Variants in ITGB3BP observed in about 807,000 individuals in gnomAD.
ITGB3BP encodes the protein centromere protein R.
Under a neutral mutation model 29.1 loss-of-function variants are expected in ITGB3BP, and 27 were observed. The observed-to-expected ratio is 0.93, with a 90% CI of 0.68 to 1.28. ITGB3BP has a LOEUF of 1.28. Among genes scored for constraint, ITGB3BP ranks in the 50% most tolerant of loss-of-function variants. ITGB3BP has a pLI of 0.00. For synonymous variants in ITGB3BP, 61 were observed against 61.4 expected (o/e 0.99, Z 0.03); for missense variants, 192 against 200.2 (o/e 0.96, Z 0.25).
At chr1:63,473,316 C>T (rs1428116515) in intron 4 of ITGB3BP, among the ~76,000 whole-genome samples, 8 of 151,624 alleles carry the variant, frequency 5.3e-5, no homozygotes, top group East Asian at 2.0e-4. Flanking sequence ...CGTCTCCGCC[C>T]GGCAGCCACC....
At chr1:63,493,445 CAAACAAACA>C (rs747920694) in intron 2 of ITGB3BP, among the ~76,000 whole-genome samples, 33 of 151,840 alleles carry the variant, frequency 2.2e-4, no homozygotes, top group Non-Finnish European at 4.0e-4. Context: ...AACAAACAAA[CAAACAAACA>C]AACCTGCTTG....
At chr1:63,479,225 TAACAACAAGGG>T (rs1645395293) in intron 3 of ITGB3BP, among the ~76,000 whole-genome samples, 1 of 152,150 alleles carries the variant, frequency 6.6e-6, no homozygotes, top group South Asian at 2.1e-4. Context: ...TTTCTCAAGT[TAACAACAAGGG>T]ATTGGTGATA....
intron 4 of ITGB3BP, among the ~76,000 whole-genome samples, chr1:63,477,539 C>T (rs572164045): frequency 6.6e-6 from 1 of 151,984 alleles, no homozygotes; most frequent in Non-Finnish European, 1.5e-5. Flanking sequence ...GGTAACATGG[C>T]GAAACTCCGT....
chr1:63,451,322 A>G (rs987232634), intron 7 of ITGB3BP, among the ~76,000 whole-genome samples: 1 of 151,944 alleles, frequency 6.6e-6, no homozygotes, highest in African/African-American at 2.4e-5. Flanking sequence ...TCCTATACAT[A>G]TTATAGGGAT....
chr1:63,505,207 C>T (rs1184265379), intron 2 of ITGB3BP, among the ~76,000 whole-genome samples: 18 of 152,102 alleles, frequency 1.2e-4, no homozygotes, highest in African/African-American at 3.4e-4. Flanking sequence ...TTGGTCTATT[C>T]GGAGGTTCAA....
intron 1 of ITGB3BP, among the ~76,000 whole-genome samples, chr1:63,509,345 A>C (rs1044430099): frequency 6.6e-6 from 1 of 152,220 alleles, no homozygotes; most frequent in Non-Finnish European, 1.5e-5. Context: ...AAGGAGAAAA[A>C]GGTCAATATA....
At chr1:63,514,227 T>C (rs77026462) in intron 1 of ITGB3BP, among the ~76,000 whole-genome samples, 1,894 of 152,342 alleles carry the variant, frequency 0.012, 30 homozygotes, top group African/African-American at 0.043. Context: ...TTTTAATTAA[T>C]ATTCTATCTT....
intron 4 of ITGB3BP, among the ~76,000 whole-genome samples, chr1:63,474,866 G>C (rs1307127255): frequency 6.7e-6 from 1 of 149,376 alleles, no homozygotes; most frequent in African/African-American, 2.5e-5. Context: ...CCCCCTCTGG[G>C]AGAAACACCC....
At chr1:63,488,704 G>T (rs1252017543) in intron 3 of ITGB3BP, among the ~76,000 whole-genome samples, 5 of 151,920 alleles carry the variant, frequency 3.3e-5, no homozygotes, top group Admixed American at 1.3e-4. Flanking sequence ...CTATATGTGA[G>T]ATATATATAT....
At position 63,456,003 on chromosome 1, in the gene ITGB3BP, C is replaced by T. The variant is rs532341990; in HGVS notation, c.255-1035G>A. 2.6e-5 allele frequency among the ~76,000 whole-genome samples: 4 copies of T among 152,174 alleles called. No homozygotes were observed. The South Asian group carries it at 8.3e-4, about 32-fold the overall frequency. On this transcript the variant is annotated intron_variant, in intron 4 of 8. Coordinates refer to ENST00000271002, the MANE Select transcript of ITGB3BP (RefSeq NM_014288.5). ...CCAGGTATACTTTACATATTAACAG[C>T]ACATCTCATTTCATACTAGCCACAT... is the stretch of plus-strand genomic sequence containing the variant.
intron 2 of ITGB3BP, among the ~76,000 whole-genome samples, chr1:63,503,286 T>C (rs1314124203): frequency 6.6e-6 from 1 of 152,230 alleles, no homozygotes; most frequent in African/African-American, 2.4e-5. Flanking sequence ...CATTTTTTCA[T>C]GTGTCTTTTG....
chr1:63,493,561 C>G (rs1293578953), intron 2 of ITGB3BP, among the ~76,000 whole-genome samples: 1 of 152,092 alleles, frequency 6.6e-6, no homozygotes, highest in African/African-American at 2.4e-5. Context: ...CCAAATGCTA[C>G]TGTACTTTTT....
chr1:63,510,173 G>T, intron 1 of ITGB3BP: 1 of 518,604 alleles, frequency 1.9e-6, no homozygotes, highest in South Asian at 2.7e-5. Flanking sequence ...CTGGGCAACG[G>T]GAGCAAAACT....
At chr1:63,468,200 T>A (rs1645132861) in intron 4 of ITGB3BP, among the ~76,000 whole-genome samples, 1 of 152,234 alleles carries the variant, frequency 6.6e-6, no homozygotes, top group Admixed American at 6.5e-5. Flanking sequence ...CTTCCAATTT[T>A]ATAAATTCTG....
chr1:63,521,133 T>C (rs1168970042), intron 1 of ITGB3BP, among the ~76,000 whole-genome samples: 1 of 152,164 alleles, frequency 6.6e-6, no homozygotes, highest in African/African-American at 2.4e-5. Flanking sequence ...ATTACACATT[T>C]AGTCTTCCAA....
chr1:63,455,512 A>G (rs909796138), intron 4 of ITGB3BP, among the ~76,000 whole-genome samples: 2 of 151,872 alleles, frequency 1.3e-5, no homozygotes, highest in African/African-American at 4.8e-5. Context: ...TGGTGTGATC[A>G]TGGCTCACTG....
intron 3 of ITGB3BP, among the ~76,000 whole-genome samples, chr1:63,481,682 C>T (rs1393118482): frequency 6.6e-6 from 1 of 152,210 alleles, no homozygotes; most frequent in African/African-American, 2.4e-5. Flanking sequence ...CTTTCCCTAA[C>T]AAATGAAGAT....
intron 2 of ITGB3BP, among the ~76,000 whole-genome samples, chr1:63,495,441 A>G (rs1188082948): frequency 6.6e-6 from 1 of 152,232 alleles, no homozygotes; most frequent in East Asian, 1.9e-4. Context: ...AAGGAACCGC[A>G]GACTTAACAT....
intron 1 of ITGB3BP, among the ~76,000 whole-genome samples, chr1:63,516,867 G>A (rs891679591): frequency 1.3e-5 from 2 of 152,056 alleles, no homozygotes; most frequent in African/African-American, 4.8e-5. Context: ...AGGAAGGTGA[G>A]GGTTGAAAAA....
Sources: allele counts gnomAD v4.1 joint callset (sites outside exome capture counted in the v4.1 genomes callset), GRCh38; gene constraint gnomAD v4.1.1; transcripts MANE v1.5; gene names NCBI Gene and HGNC (gene_info 2026-07-23, HGNC 2026-07-21).